LIPG: variants seen among roughly 807,000 people sequenced by gnomAD.
LIPG encodes the protein endothelial lipase.
In LIPG, 34 loss-of-function variants were observed where a neutral mutation model predicts 51.8. The observed-to-expected ratio is 0.66, with a 90% confidence interval of 0.50 to 0.87. The LOEUF (loss-of-function observed/expected upper bound fraction) is 0.87. Among genes scored for constraint, LIPG ranks in the 40% least tolerant of loss-of-function variants. The pLI is 0.00. For synonymous variants in LIPG, 246 were observed against 246.1 expected (o/e 1.00, Z 0.00); for missense variants, 580 against 652.7 (o/e 0.89, Z 1.21).
chr18:49,576,457 C>CTT (rs34597464), intron 5 of LIPG, among the ~76,000 whole-genome samples: 1,550 of 51,194 alleles, frequency 0.03, 429 homozygotes, highest in Non-Finnish European at 0.038. Context: ...CAGAATCTTG[C>CTT]TTTTTTTTTT....
Position 49,575,483 on chromosome 18 carries a change from G to A in LIPG, c.686G>A (p.Ser229Asn). The A allele has an allele frequency of 6.2e-7, 1 of 1,614,236 alleles. No homozygotes were observed. Among genetic ancestry groups the A allele is most frequent in the Non-Finnish European group, 8.5e-7 (1 of 1,180,048 alleles). Residue 229 changes from serine (S) to asparagine (N), a missense_variant, in exon 5 of 10, where the codon AGC becomes AAC. Coordinates refer to ENST00000261292, the MANE Select transcript of LIPG (RefSeq NM_006033.4). Reference sequence around the variant, plus strand: ...ACCTACACGCGTTCCTTCGGCTTGAGCATTGGTATTCAGATGCCTGTGGGC... The same window carrying A: ...ACCTACACGCGTTCCTTCGGCTTGAACATTGGTATTCAGATGCCTGTGGGC... Reference protein sequence around the residue: ...LHTYTRSFGLSIGIQMPVGHI... With the variant: ...LHTYTRSFGLNIGIQMPVGHI...
At position 49,591,041 on chromosome 18, in the gene LIPG, GC is replaced by G; in HGVS notation, c.*520del. 6.2e-5 allele frequency: 13 copies of G among 208,544 alleles called. No homozygotes were observed. Among genetic ancestry groups the G allele is most frequent in the East Asian group, 2.2e-4 (2 of 8,978 alleles). 12.9% of individuals were successfully genotyped at this position (208,544 alleles called of 1,614,324 possible). On this transcript the variant is annotated 3_prime_UTR_variant, in exon 10 of 10. Transcript: ENST00000261292. ...TCTCATGGGTTGCACTGACCATACT[GC>G]TTACGTCTTAGCCATTCCGTCCTGC...
chr18:49,573,264 G>A (rs1038538497), intron 4 of LIPG, among the ~76,000 whole-genome samples: 11 of 152,206 alleles, frequency 7.2e-5, no homozygotes, highest in Non-Finnish European at 8.8e-5. Flanking sequence ...GGGAGAGGCC[G>A]CTGTGTCAGT....
intron 9 of LIPG, among the ~76,000 whole-genome samples, chr18:49,587,772 T>C (rs575766818): frequency 6.9e-6 from 1 of 145,752 alleles, no homozygotes; most frequent in East Asian, 2.0e-4. Flanking sequence ...TGCCCATTCC[T>C]GCCATCTTTG....
chr18:49,588,005 G>A (rs1239939161), intron 9 of LIPG, among the ~76,000 whole-genome samples: 1 of 152,094 alleles, frequency 6.6e-6, no homozygotes, highest in Non-Finnish European at 1.5e-5. Flanking sequence ...GCCCAGTCTG[G>A]TCTTGAACTC....
chr18:49,562,098 G>C lies in LIPG; in HGVS notation c.-211G>C, dbSNP rs1164736466. ...CTCCCGGCGGCTCAGGACGAGGGCA[G>C]ATCTCGTTCTGGGGCAAGCCGTTGA... On this transcript the variant is annotated 5_prime_UTR_variant, in exon 1 of 10. Transcript: ENST00000261292. The C allele has an allele frequency of 2.8e-6, 4 of 1,449,436 alleles. No homozygotes were observed. Among genetic ancestry groups the C allele is most frequent in the Non-Finnish European group, 3.6e-6 (4 of 1,109,850 alleles). 89.8% of individuals were successfully genotyped at this position (1,449,436 alleles called of 1,614,324 possible).
Position 49,565,404 on chromosome 18 carries a change from A to G in LIPG, c.185A>G (p.Glu62Gly). 6.2e-7 allele frequency: 1 copy of G among 1,614,208 alleles called. No individual in the cohort carries two copies. The highest frequency in any genetic ancestry group is 1.1e-5 in the South Asian group (1 of 91,082). Residue 62 changes from glutamate to glycine, a missense_variant, in exon 2 of 10, where the codon GAA becomes GGA. Glu to Gly is a moderately conservative substitution (Grantham distance 98). Transcript: ENST00000261292. ...NLRTSKDPEH[E>G]GCYLSVGHSQ... ...CGCACCTCCAAGGACCCAGAGCATGAAGGATGCTACCTCTCCGTCGGCCAC... is the reference window on the plus strand; with the variant it reads ...CGCACCTCCAAGGACCCAGAGCATGGAGGATGCTACCTCTCCGTCGGCCAC...
At position 49,597,305 on chromosome 18, in the gene LIPG, C is replaced by T. The variant is rs572355327; in HGVS notation, c.*6783C>T. On this transcript the variant is annotated 3_prime_UTR_variant, in exon 10 of 10. Coordinates refer to ENST00000261292, the MANE Select transcript of LIPG (RefSeq NM_006033.4). ...TCCCTCCTGAACTTACAGAGCCTTT[C>T]AGTAAACACCAGTATTTGTCCCTCC... The T allele has an allele frequency of 6.6e-6, 1 of 152,250 alleles. No individual in the cohort carries two copies. Among genetic ancestry groups the T allele is most frequent in the African/African-American group, 2.4e-5 (1 of 41,528 alleles). 9.4% of individuals were successfully genotyped at this position (152,250 alleles called of 1,614,324 possible).
chr18:49,594,646 T>A lies in LIPG; in HGVS notation c.*4124T>A, dbSNP rs2084972072. On this transcript the variant is annotated 3_prime_UTR_variant, in exon 10 of 10. Coordinates refer to ENST00000261292, the MANE Select transcript of LIPG (RefSeq NM_006033.4). ...TAGTAATCTTAAATTGATCTATGACTATGAAGTATAATGCATTACATCAGT... is the reference window on the plus strand; with the variant it reads ...TAGTAATCTTAAATTGATCTATGACAATGAAGTATAATGCATTACATCAGT... 1 of 152,246 alleles carries A rather than the reference T, an allele frequency of 6.6e-6. No individual in the cohort carries two copies. Among genetic ancestry groups the A allele is most frequent in the African/African-American group, 2.4e-5 (1 of 41,474 alleles). 9.4% of individuals were successfully genotyped at this position (152,246 alleles called of 1,614,324 possible). A position where few individuals can be genotyped will look rare whatever the true frequency, so the allele number is the denominator to read the frequency against.
At position 49,595,064 on chromosome 18, in the gene LIPG, C is replaced by A. The variant is rs1384762309; in HGVS notation, c.*4542C>A. The A allele has an allele frequency of 1.3e-5, 2 of 152,190 alleles. No homozygotes were observed. Among genetic ancestry groups the A allele is most frequent in the African/African-American group, 4.8e-5 (2 of 41,444 alleles). 9.4% of individuals were successfully genotyped at this position (152,190 alleles called of 1,614,324 possible). The stretch of plus-strand genomic sequence containing the variant: ...CCCAGACCCCTTGGAAGGATGGATA[C>A]AAAGTAGGTACTAGAACAGTCTTTG... On this transcript the variant is annotated 3_prime_UTR_variant, in exon 10 of 10. Transcript: ENST00000261292.
At position 49,590,611 on chromosome 18, in the gene LIPG, A is replaced by G. The variant is rs908115132; in HGVS notation, c.*89A>G. The G allele has an allele frequency of 3.1e-6, 4 of 1,302,746 alleles. No individual in the cohort carries two copies. The highest frequency in any genetic ancestry group is 5.0e-5 in the East Asian group (2 of 39,956). The allele number at this position is 1,302,746 out of a possible 1,614,324, so 80.7% of individuals were successfully genotyped here. A position where few individuals can be genotyped will look rare whatever the true frequency, so the allele number is the denominator to read the frequency against. On this transcript the variant is annotated 3_prime_UTR_variant, in exon 10 of 10. Transcript: ENST00000261292. The stretch of plus-strand genomic sequence containing the variant: ...AAAGTTACTGCTGAGGACCCACCCA[A>G]TGGAAGGATTCTTCTCAGCCTTGAC...
intron 3 of LIPG, among the ~76,000 whole-genome samples, chr18:49,569,226 T>G (rs1336402160): frequency 6.6e-6 from 1 of 152,190 alleles, no homozygotes; most frequent in East Asian, 1.9e-4. Flanking sequence ...ACTTGGCATT[T>G]GCAGTGCCAC....
chr18:49,575,701 C>T (rs2084708820), intron 5 of LIPG, 111 bp downstream of exon 5: 1 of 855,868 alleles, frequency 1.2e-6, no homozygotes, highest in Non-Finnish European at 1.9e-6. Flanking sequence ...TCTCACCTCC[C>T]ACCACAGAGG....
At chr18:49,581,343 G>T in intron 5 of LIPG, 72 bp from the exon 6 acceptor site, 1 of 1,574,320 alleles carries the variant, frequency 6.4e-7, no homozygotes, top group Non-Finnish European at 8.7e-7. Context: ...GAGGAGTACA[G>T]TATTTATTAT....
At chr18:49,561,777 G>A (rs2084551844), upstream of LIPG, 4 of 1,252,402 alleles carry the variant, frequency 3.2e-6, no homozygotes, top group African/African-American at 3.1e-5. Context: ...GTGGGGAGAG[G>A]AGGATCTGGG....
chr18:49,575,225 C>T, intron 4 of LIPG, 144 bp from the exon 5 acceptor site: 1 of 642,732 alleles, frequency 1.6e-6, no homozygotes, highest in Non-Finnish European at 2.7e-6. Context: ...TTCTTATTTT[C>T]TTCCATGCTT....
At chr18:49,579,223 A>G (rs538702815) in intron 5 of LIPG, among the ~76,000 whole-genome samples, 10 of 105,370 alleles carry the variant, frequency 9.5e-5, no homozygotes, top group Non-Finnish European at 1.4e-4. Context: ...GGAGAGGGAG[A>G]GGGAGAGGGA....
intron 5 of LIPG, among the ~76,000 whole-genome samples, chr18:49,578,015 G>A (rs1350358987): frequency 6.4e-5 from 9 of 141,270 alleles, no homozygotes; most frequent in Admixed American, 2.1e-4. Flanking sequence ...CTGGCCAGGC[G>A]GGGGGCTGAC....
intron 9 of LIPG, 150 bp from the exon 10 acceptor site, chr18:49,590,351 C>A: frequency 1.2e-6 from 1 of 856,912 alleles, no homozygotes; most frequent in Non-Finnish European, 1.9e-6. Flanking sequence ...GGACCTTGTC[C>A]ATTTATTCTG....
Sources: allele counts gnomAD v4.1 joint callset (sites outside exome capture counted in the v4.1 genomes callset), GRCh38; gene constraint gnomAD v4.1.1; transcripts MANE v1.5; gene names NCBI Gene and HGNC (gene_info 2026-07-23, HGNC 2026-07-21).